Variants in PLD5 observed in about 807,000 individuals in gnomAD.
PLD5 encodes the protein phospholipase D family member 5.
Under a neutral mutation model 61.1 loss-of-function variants are expected in PLD5, and 36 were observed. The observed-to-expected ratio is 0.59, with a 90% CI of 0.45 to 0.78. The LOEUF (loss-of-function observed/expected upper bound fraction) is 0.78. Ranked by LOEUF, PLD5 falls within the 30% of genes least tolerant of loss-of-function variation. The pLI is 0.00. For synonymous variants in PLD5, 243 were observed against 242.8 expected, an observed-to-expected ratio of 1.00 and a Z score of -0.01; for missense variants, 515 against 644.4, an observed-to-expected ratio of 0.80 and a Z score of 2.17.
chr1:242,244,203 G>A lies in PLD5; in HGVS notation c.607+21134C>T, dbSNP rs114689213. Among the ~76,000 whole-genome samples, 847 of 152,294 alleles carry A rather than the reference G, an allele frequency of 5.6e-3. 8 individuals carry two copies. Among genetic ancestry groups the A allele is most frequent in the Middle Eastern group, 0.014 (4 of 294 alleles). On this transcript the variant is annotated intron_variant, in intron 4 of 9. Coordinates refer to ENST00000536534, the MANE Select transcript of PLD5 (RefSeq NM_001372062.1). ...CTTTGTGATAGCATGGGAAATCAGA[G>A]GATTCATTTCATTTGCCTCCACCTA...
At chr1:242,388,072 T>C (rs1223454343) in intron 1 of PLD5, among the ~76,000 whole-genome samples, 1 of 152,166 alleles carries the variant, frequency 6.6e-6, no homozygotes, top group East Asian at 1.9e-4. Flanking sequence ...ACAGAAACTA[T>C]TGTCACAGAG....
rs185159236 is a variant in PLD5 at position 242,148,749 on chromosome 1, T to C, written c.736-24084A>G. ...TGATATTATTGTAAATAATACTGTC[T>C]TTTAAATTTCTAATTGCTCATGCTA... On this transcript the variant is annotated intron_variant, in intron 5 of 9. Coordinates refer to ENST00000536534, the MANE Select transcript of PLD5 (RefSeq NM_001372062.1). 8.3e-4 allele frequency among the ~76,000 whole-genome samples: 127 copies of C among 152,108 alleles called. 2 individuals are homozygous for C. Among genetic ancestry groups the C allele is most frequent in the African/African-American group, 2.1e-3 (89 of 41,526 alleles).
intron 5 of PLD5, among the ~76,000 whole-genome samples, chr1:242,161,259 C>G (rs1216494470): frequency 6.6e-6 from 1 of 152,100 alleles, no homozygotes; most frequent in Non-Finnish European, 1.5e-5. Context: ...AAAGGCATGT[C>G]TTACATGGCA....
chr1:242,226,385 C>T (rs2033665), intron 4 of PLD5, among the ~76,000 whole-genome samples: 61,566 of 152,008 alleles, frequency 0.41, 12,666 homozygotes, highest in Middle Eastern at 0.59. Context: ...TACTTTCGGC[C>T]CCGCAGTCTA....
chr1:242,316,957 T>C (rs571430866), intron 2 of PLD5, among the ~76,000 whole-genome samples: 1 of 152,308 alleles, frequency 6.6e-6, no homozygotes, highest in East Asian at 1.9e-4. Flanking sequence ...ATTCTTTTTA[T>C]GGCTGTATAG....
chr1:242,304,368 G>A lies in PLD5; in HGVS notation c.327-15838C>T, dbSNP rs565227713. On this transcript the variant is annotated intron_variant, in intron 2 of 9. Transcript: ENST00000536534. ...ATTTCAAGTCCACCAAGGGCGATCA[G>A]CATCATCTGGCCAAATATGTGCTGT... Among the ~76,000 whole-genome samples, 556 of 152,298 alleles carry A rather than the reference G, an allele frequency of 3.7e-3. 4 individuals are homozygous for A. The highest frequency in any genetic ancestry group is 0.013 in the African/African-American group (520 of 41,550).
At chr1:242,331,604 G>C (rs1222208793) in intron 2 of PLD5, among the ~76,000 whole-genome samples, 2 of 152,094 alleles carry the variant, frequency 1.3e-5, no homozygotes, top group Non-Finnish European at 2.9e-5. Context: ...CCTGAACCTG[G>C]AAAGAGACAC....
chr1:242,226,464 A>G (rs1670951986), intron 4 of PLD5, among the ~76,000 whole-genome samples: 1 of 152,236 alleles, frequency 6.6e-6, no homozygotes, highest in Non-Finnish European at 1.5e-5. Flanking sequence ...CCAAAACCAA[A>G]AAGTGATAAA....
chr1:242,204,107 G>A (rs1316303969), intron 5 of PLD5, among the ~76,000 whole-genome samples: 1 of 151,620 alleles, frequency 6.6e-6, no homozygotes, highest in Non-Finnish European at 1.5e-5. Flanking sequence ...CTTAGGTGTG[G>A]TGGCGGGCGC....
chr1:242,451,742 G>C lies in PLD5; in HGVS notation c.189+72346C>G, dbSNP rs1486973882. Among the ~76,000 whole-genome samples, 5 of 152,040 alleles carry C rather than the reference G, an allele frequency of 3.3e-5. No individual in the cohort carries two copies. In the East Asian group the frequency reaches 9.7e-4, roughly 29 times the overall value. The stretch of plus-strand genomic sequence containing the variant: ...CCCATCGTGCTAGGATTACAGGCTT[G>C]AGCCACCGCGCCCAGTCTAAAATTC... On this transcript the variant is annotated intron_variant, in intron 1 of 9. Transcript: ENST00000536534.
intron 5 of PLD5, among the ~76,000 whole-genome samples, chr1:242,163,397 C>A (rs1659855578): frequency 6.6e-6 from 1 of 152,010 alleles, no homozygotes; most frequent in Admixed American, 6.6e-5. Flanking sequence ...GCTGCCTCGG[C>A]CTCCCAAAGT....
chr1:242,191,126 G>GTTTTTTTTTTTTTTTTTTTTTTTTTTTTT (rs34902467), intron 5 of PLD5, among the ~76,000 whole-genome samples: 1 of 133,092 alleles, frequency 7.5e-6, no homozygotes, highest in African/African-American at 2.7e-5. Context: ...AAACTATGGA[G>GTTTTTTTTTTTTTTTTTTTTTTTTTTTTT]TTTTTTTTTT....
At chr1:242,459,793 A>T (rs770857269) in intron 1 of PLD5, among the ~76,000 whole-genome samples, 1 of 152,122 alleles carries the variant, frequency 6.6e-6, no homozygotes, top group Non-Finnish European at 1.5e-5. Context: ...AGAAAAGCAG[A>T]TGTTCATAGC....
At chr1:242,464,794 T>C (rs986125519) in intron 1 of PLD5, among the ~76,000 whole-genome samples, 3 of 152,198 alleles carry the variant, frequency 2.0e-5, no homozygotes, top group Non-Finnish European at 2.9e-5. Context: ...ATGGTGTCTA[T>C]CCATACAGTG....
intron 6 of PLD5, among the ~76,000 whole-genome samples, chr1:242,122,692 C>T (rs563470276): frequency 2.0e-5 from 3 of 152,308 alleles, no homozygotes; most frequent in Admixed American, 2.0e-4. Flanking sequence ...CTCCTCCATA[C>T]AAAAATGTTA....
chr1:242,280,323 C>G (rs1422191005), intron 3 of PLD5, among the ~76,000 whole-genome samples: 1 of 152,168 alleles, frequency 6.6e-6, no homozygotes, highest in Non-Finnish European at 1.5e-5. Flanking sequence ...TGCGAATTTG[C>G]CTTTTCTATA....
At chr1:242,471,282 T>TG (rs1667441605) in intron 1 of PLD5, among the ~76,000 whole-genome samples, 1 of 112,532 alleles carries the variant, frequency 8.9e-6, no homozygotes. Context: ...GAAATAATTT[T>TG]GGAAAAAAAA....
At chr1:242,144,163 C>T (rs1445238390) in intron 5 of PLD5, among the ~76,000 whole-genome samples, 2 of 122,838 alleles carry the variant, frequency 1.6e-5, no homozygotes, top group Non-Finnish European at 3.6e-5. Flanking sequence ...GCCACCACAC[C>T]CAGCCTCAAA....
chr1:242,449,118 G>A (rs2654871), intron 1 of PLD5, among the ~76,000 whole-genome samples: 51,030 of 152,036 alleles, frequency 0.34, 8,937 homozygotes, highest in African/African-American at 0.37. Flanking sequence ...AGAGCCCAGC[G>A]AAGTCCTTAT....
Sources: allele counts gnomAD v4.1 joint callset (sites outside exome capture counted in the v4.1 genomes callset), GRCh38; gene constraint gnomAD v4.1.1; transcripts MANE v1.5; gene names NCBI Gene and HGNC (gene_info 2026-07-23, HGNC 2026-07-21).